The following TMEM181 variants were observed in gnomAD, a reference collection of about 807,000 sequenced individuals.
The protein encoded by TMEM181 is G protein-coupled receptor 178.
Under a neutral mutation model 71.9 loss-of-function variants are expected in TMEM181, and 39 were observed. The ratio of observed to expected loss-of-function variants is 0.54; its 90% CI spans 0.42 to 0.71. TMEM181 has a LOEUF of 0.71. Among genes scored for constraint, TMEM181 ranks in the 30% least tolerant of loss-of-function variants. TMEM181 has a pLI of 0.00. For missense variants in TMEM181, 595 were observed against 583.0 expected (o/e 1.02, Z -0.21); for synonymous variants, 245 against 228.8 (o/e 1.07, Z -0.64).
chr6:158,555,790 G>A (rs1376917968), upstream of TMEM181, among the ~76,000 whole-genome samples: 2 of 152,164 alleles, frequency 1.3e-5, no homozygotes, highest in Non-Finnish European at 2.9e-5. Flanking sequence ...TTCTGTCAGC[G>A]AATGTCAGGA....
chr6:158,611,603 G>C, intron 10 of TMEM181: 1 of 370,458 alleles, frequency 2.7e-6, no homozygotes. Flanking sequence ...GAAAGGGATT[G>C]GTAGGATGTG....
chr6:158,590,533 G>A lies in TMEM181; in HGVS notation c.492+751G>A, dbSNP rs566211649. Among the ~76,000 whole-genome samples the A allele has an allele frequency of 9.2e-5, 14 of 151,994 alleles. No individual in the cohort carries two copies. In the South Asian group the frequency reaches 1.7e-3, roughly 18 times the overall value. ...GTGTGGAGTGCAGTGGCACGATCTC[G>A]GCTCACTGCAACCTCCGCCTCCCGG... On this transcript the variant is annotated intron_variant, in intron 6 of 16. Transcript: ENST00000684151.
intron 1 of TMEM181, among the ~76,000 whole-genome samples, chr6:158,552,510 C>T (rs866898103): frequency 6.6e-6 from 1 of 152,324 alleles, no homozygotes; most frequent in South Asian, 2.1e-4. Context: ...ACAATTCAGA[C>T]ACATCAAGAA....
intron 3 of TMEM181, 101 bp from the exon 4 acceptor site, chr6:158,583,853 A>G (rs760291865): frequency 1.3e-6 from 1 of 760,878 alleles, no homozygotes; most frequent in Non-Finnish European, 2.1e-6. Flanking sequence ...CTAACACTGA[A>G]GCCTTTATTG....
At chr6:158,562,903 G>A (rs969804192) in intron 1 of TMEM181, among the ~76,000 whole-genome samples, 7 of 152,158 alleles carry the variant, frequency 4.6e-5, no homozygotes, top group African/African-American at 1.7e-4. Context: ...CCATTTTGCA[G>A]ATGAGGAAAC....
chr6:158,623,499 A>G, intron 10 of TMEM181, 51 bp from the exon 11 acceptor site: 1 of 1,224,572 alleles, frequency 8.2e-7, no homozygotes, highest in East Asian at 2.7e-5. Context: ...ATGTAAAATA[A>G]AAAGTAAAGG....
At chr6:158,604,382 A>G (rs1260443706) in intron 6 of TMEM181, among the ~76,000 whole-genome samples, 2 of 152,072 alleles carry the variant, frequency 1.3e-5, no homozygotes, top group African/African-American at 4.8e-5. Flanking sequence ...CTGTAACTCT[A>G]TTTGTACTGA....
chr6:158,615,804 A>G (rs1038144612), intron 10 of TMEM181, among the ~76,000 whole-genome samples: 1 of 151,946 alleles, frequency 6.6e-6, no homozygotes, highest in Admixed American at 6.6e-5. Context: ...TAGATGTGTG[A>G]TATTATTTCT....
intron 10 of TMEM181, among the ~76,000 whole-genome samples, chr6:158,616,927 G>A (rs1785648881): frequency 6.6e-6 from 1 of 152,150 alleles, no homozygotes; most frequent in African/African-American, 2.4e-5. Context: ...GTTCATCAGG[G>A]ATATTGGTCT....
chr6:158,613,868 G>C lies in TMEM181; in HGVS notation c.896+5118G>C, dbSNP rs28804716. Among the ~76,000 whole-genome samples, 815 of 152,306 alleles carry C rather than the reference G, an allele frequency of 5.4e-3. 8 individuals are homozygous for C. The highest frequency in any genetic ancestry group is 0.019 in the African/African-American group (785 of 41,562). On this transcript the variant is annotated intron_variant, in intron 10 of 16. Coordinates refer to ENST00000684151, the MANE Select transcript of TMEM181 (RefSeq NM_001376852.1). ...CCTAATATTTACAGGAGTATATTTA[G>C]TTTAAGACAAGTTTCCTTGACTCTG...
intron 5 of TMEM181, among the ~76,000 whole-genome samples, chr6:158,586,442 A>G (rs1783778533): frequency 6.6e-6 from 1 of 152,218 alleles, no homozygotes; most frequent in African/African-American, 2.4e-5. Flanking sequence ...TGGCAAGTCC[A>G]TGAAGTAGAA....
chr6:158,604,340 G>A (rs1784828976), intron 6 of TMEM181, among the ~76,000 whole-genome samples: 4 of 49,668 alleles, frequency 8.1e-5, no homozygotes, highest in Non-Finnish European at 1.9e-4. Context: ...GCATGCGTGT[G>A]TGTGTGTGTG....
At position 158,620,366 on chromosome 6, in the gene TMEM181, G is replaced by A. The variant is rs950329733; in HGVS notation, c.897-3184G>A. Reference sequence around the variant, plus strand: ...CCTCTGAGGACTGGGACGGCAGACCGAACTTTCTCAGGTACCACGAGAAAG... The same window carrying A: ...CCTCTGAGGACTGGGACGGCAGACCAAACTTTCTCAGGTACCACGAGAAAG... On this transcript the variant is annotated intron_variant, in intron 10 of 16. Coordinates refer to ENST00000684151, the MANE Select transcript of TMEM181 (RefSeq NM_001376852.1). The surrounding 1 kb of genome is among the most constrained non-coding windows in gnomAD (Gnocchi z 4.5). Among the ~76,000 whole-genome samples, 2 of 152,122 alleles carry A rather than the reference G, an allele frequency of 1.3e-5. No individual in the cohort carries two copies. Among genetic ancestry groups the A allele is most frequent in the Admixed American group, 6.5e-5 (1 of 15,282 alleles).
intron 1 of TMEM181, among the ~76,000 whole-genome samples, chr6:158,546,713 C>CT (rs1445385150): frequency 1.3e-5 from 2 of 152,272 alleles, no homozygotes; most frequent in African/African-American, 4.8e-5. Context: ...AATCCCAGCA[C>CT]TTTGGGAGGC....
intron 3 of TMEM181, among the ~76,000 whole-genome samples, chr6:158,581,696 C>T (rs10214712): frequency 0.42 from 60,777 of 143,850 alleles, 13,269 homozygotes; most frequent in Middle Eastern, 0.54. Context: ...GGGAGCTTGC[C>T]GTCAGCCAAG....
intron 13 of TMEM181, 83 bp downstream of exon 13, chr6:158,625,837 G>A (rs1786245877): frequency 3.2e-6 from 4 of 1,267,340 alleles, no homozygotes; most frequent in Non-Finnish European, 4.5e-6. Flanking sequence ...CTTTTGTGGA[G>A]TGGATTTCAG....
At chr6:158,581,819 C>T in intron 3 of TMEM181, among the ~76,000 whole-genome samples, 1 of 146,540 alleles carries the variant, frequency 6.8e-6, no homozygotes, top group South Asian at 2.2e-4. Flanking sequence ...GAGCTTCTTT[C>T]AATTGGAGAA....
At chr6:158,539,716 G>A (rs999949362) in intron 1 of TMEM181, among the ~76,000 whole-genome samples, 2 of 152,240 alleles carry the variant, frequency 1.3e-5, no homozygotes, top group African/African-American at 4.8e-5. Flanking sequence ...GACTCTTGGC[G>A]ATTTTCACAA....
At chr6:158,558,859 C>T (rs927744084), upstream of TMEM181, among the ~76,000 whole-genome samples, 2 of 152,170 alleles carry the variant, frequency 1.3e-5, no homozygotes, top group African/African-American at 4.8e-5. Flanking sequence ...ATAGAACTCC[C>T]TCCGACTCAC....
Sources: gnomAD v4.1 joint callset for allele counts (sites outside exome capture counted in the v4.1 genomes callset) on GRCh38, gnomAD v4.1.1 for gene constraint, Gnocchi (gnomAD v3.1) non-coding constraint, MANE v1.5 for transcripts, NCBI Gene and HGNC (gene_info 2026-07-23, HGNC 2026-07-21) for gene names.